WDFY3: variants seen among roughly 807,000 people sequenced by gnomAD.
WDFY3 encodes the protein WD repeat and FYVE domain-containing protein 3.
In WDFY3, 66 loss-of-function variants were observed where a neutral mutation model predicts 409.6. That is an observed-to-expected ratio of 0.16 (90% confidence interval 0.13 to 0.20). The LOEUF (loss-of-function observed/expected upper bound fraction) is 0.20, where lower values mean the gene tolerates loss of function less well. Ranked by LOEUF, WDFY3 falls within the 10% of genes least tolerant of loss-of-function variation. The probability of loss-of-function intolerance (pLI) is 1.00; values close to 1 mark genes in which losing one functional copy is unlikely to be tolerated. For missense variants in WDFY3, 3,031 were observed against 4,298.1 expected (o/e 0.71, Z 8.24); for synonymous variants, 1,521 against 1,537.1 (o/e 0.99, Z 0.25).
chr4:84,825,134 A>G (rs1339840348), intron 10 of WDFY3, among the ~76,000 whole-genome samples: 1 of 152,188 alleles, frequency 6.6e-6, no homozygotes, highest in African/African-American at 2.4e-5. Flanking sequence ...CCAGGCAATG[A>G]TATATGCACA....
intron 1 of WDFY3, among the ~76,000 whole-genome samples, chr4:84,942,337 T>TA (rs902546327): frequency 1.8e-4 from 27 of 149,084 alleles, no homozygotes; most frequent in Admixed American, 1.0e-3. Context: ...CTTTAAACAA[T>TA]AAAAAAAAAG....
intron 3 of WDFY3, among the ~76,000 whole-genome samples, chr4:84,894,860 G>C (rs1219106275): frequency 2.1e-5 from 3 of 145,108 alleles, no homozygotes; most frequent in African/African-American, 7.7e-5. Context: ...TGAAGCATAA[G>C]AATCACTTGA....
intron 64 of WDFY3, among the ~76,000 whole-genome samples, chr4:84,681,502 G>A (rs751072863): frequency 6.6e-6 from 1 of 152,108 alleles, no homozygotes; most frequent in East Asian, 1.9e-4. Context: ...CCTGCCCAAG[G>A]GATCTTTTTT....
intron 2 of WDFY3, among the ~76,000 whole-genome samples, chr4:84,906,406 G>T (rs183255719): frequency 6.6e-6 from 1 of 152,194 alleles, no homozygotes. Context: ...AAAAACTGCA[G>T]TAAAATTATG....
At chr4:84,883,411 T>C (rs1763799432) in intron 3 of WDFY3, among the ~76,000 whole-genome samples, 1 of 152,206 alleles carries the variant, frequency 6.6e-6, no homozygotes, top group South Asian at 2.1e-4. Context: ...CAAGTGTAAA[T>C]CAGTTTACCA....
rs1295160219 is a variant in WDFY3, at chr4:84,682,429, A to G, written c.9768T>C (p.Ala3256=). The G allele has an allele frequency of 2.5e-6, 4 of 1,613,792 alleles. No individual in the cohort carries two copies. Among genetic ancestry groups the G allele is most frequent in the Non-Finnish European group, 2.5e-6 (3 of 1,180,016 alleles). ...MEFLQVPETP[A]PEPAEVLEMQ... is the part of the protein sequence containing the mutation. Reference sequence around the variant, plus strand: ...TTTCTAGGACTTCAGCAGGCTCAGGAGCTGGTGTTTCAGGAACTTGCAAAA... The same window carrying G: ...TTTCTAGGACTTCAGCAGGCTCAGGGGCTGGTGTTTCAGGAACTTGCAAAA... The change falls in exon 64 of 68, where the codon GCT becomes GCC. Residue 3256 remains alanine (A), a synonymous_variant. Transcript: ENST00000295888.
At position 84,826,985 on chromosome 4, in the gene WDFY3, G is replaced by A; in HGVS notation, c.957-4C>T. The A allele has an allele frequency of 6.2e-7, 1 of 1,601,436 alleles. No homozygotes were observed. Among genetic ancestry groups the A allele is most frequent in the South Asian group, 1.1e-5 (1 of 87,992 alleles). On this transcript the variant is annotated splice_region_variant and splice_polypyrimidine_tract_variant and intron_variant, in intron 9 of 67. Transcript: ENST00000295888. ...TGCCTCTTTTGCTTGTTCCAATCTA[G>A]AAAAGTATGATTTAGAAAGTATTTT...
chr4:84,866,932 A>G (rs1021626136), intron 3 of WDFY3, among the ~76,000 whole-genome samples: 1 of 152,188 alleles, frequency 6.6e-6, no homozygotes, highest in Non-Finnish European at 1.5e-5. Flanking sequence ...AAGAGGTAAC[A>G]TGTCTAAAAT....
At chr4:84,743,346 T>C (rs1379901078) in intron 37 of WDFY3, among the ~76,000 whole-genome samples, 1 of 152,218 alleles carries the variant, frequency 6.6e-6, no homozygotes, top group Non-Finnish European at 1.5e-5. Context: ...ACCTATGACC[T>C]AACAATTCCA....
chr4:84,718,389 C>T (rs955826837), intron 48 of WDFY3, 33 bp downstream of exon 48: 2 of 1,583,368 alleles, frequency 1.3e-6, no homozygotes, highest in Admixed American at 1.8e-5. Context: ...CTAAAGATAG[C>T]CATACATTAT....
Position 84,726,931 on chromosome 4 carries a change from T to TA in WDFY3, c.7222-21dup. On this transcript the variant is annotated intron_variant, in intron 44 of 67. Coordinates refer to ENST00000295888, the MANE Select transcript of WDFY3 (RefSeq NM_014991.6). Reference sequence around the variant, plus strand: ...CTCAGACTGAAAACAGGGTATTAAGTATAGACATATCAGAAAAAAAAACAT... The same window carrying TA: ...CTCAGACTGAAAACAGGGTATTAAGTAATAGACATATCAGAAAAAAAAACAT... The TA allele has an allele frequency of 6.3e-7, 1 of 1,578,090 alleles. No homozygotes were observed. The highest frequency in any genetic ancestry group is 1.4e-5 in the African/African-American group (1 of 72,626).
chr4:84,831,754 A>C, intron 7 of WDFY3, 149 bp from the exon 8 acceptor site: 1 of 655,262 alleles, frequency 1.5e-6, no homozygotes, highest in Non-Finnish European at 2.6e-6. Context: ...AACATCACTA[A>C]TCATCAGGGA....
chr4:84,836,864 T>C (rs1756644144), intron 7 of WDFY3, 65 bp downstream of exon 7: 1 of 1,294,574 alleles, frequency 7.7e-7, no homozygotes, highest in Non-Finnish European at 1.0e-6. Context: ...GTAAAACATC[T>C]ATTTAGGAAG....
chr4:84,762,101 T>C (rs1171176789), intron 32 of WDFY3, among the ~76,000 whole-genome samples: 1 of 152,094 alleles, frequency 6.6e-6, no homozygotes, highest in Non-Finnish European at 1.5e-5. Flanking sequence ...GACCCGGCCA[T>C]CCCATTACTG....
At chr4:84,813,862 A>G (rs1303102811) in intron 13 of WDFY3, among the ~76,000 whole-genome samples, 2 of 152,224 alleles carry the variant, frequency 1.3e-5, no homozygotes, top group African/African-American at 2.4e-5. Flanking sequence ...TTCTTCAAAT[A>G]TCGACACTCA....
intron 1 of WDFY3, among the ~76,000 whole-genome samples, chr4:84,943,921 C>A (rs1283657889): frequency 6.6e-6 from 1 of 152,142 alleles, no homozygotes; most frequent in Non-Finnish European, 1.5e-5. Context: ...TGTTGAAGGC[C>A]TCCCTCTTCC....
intron 53 of WDFY3, among the ~76,000 whole-genome samples, chr4:84,707,243 A>C (rs1007916317): frequency 6.6e-6 from 1 of 152,068 alleles, no homozygotes; most frequent in Non-Finnish European, 1.5e-5. Flanking sequence ...GAATGATTTT[A>C]AACAGGGGGA....
Position 84,726,910 on chromosome 4 carries a change from G to A in WDFY3, c.7223C>T (p.Ser2408Phe). Residue 2408 changes from serine (S) to phenylalanine (F), a missense_variant and splice_region_variant, in exon 45 of 68, where the codon TCT becomes TTT. By Grantham distance (155) the Ser-to-Phe change is radical (BLOSUM62 -2). Transcript: ENST00000295888. ...CTCAGGCTGTTTACTTGGGATCTCA[G>A]ACTGAAAACAGGGTATTAAGTATAG... ...PETEQETNVA[S>F]EIPSKQPETP... 1.2e-6 allele frequency: 2 copies of A among 1,605,190 alleles called. No individual in the cohort carries two copies. The highest frequency in any genetic ancestry group is 1.7e-6 in the Non-Finnish European group (2 of 1,177,350).
At chr4:84,704,314 A>C in intron 55 of WDFY3, 24 bp downstream of exon 55, 1 of 1,540,850 alleles carries the variant, frequency 6.5e-7, no homozygotes, top group Non-Finnish European at 8.8e-7. Context: ...ATAAAATAGA[A>C]AAACCCCAAA....
Sources: gnomAD v4.1 joint callset for allele counts (sites outside exome capture counted in the v4.1 genomes callset) on GRCh38, gnomAD v4.1.1 for gene constraint, MANE v1.5 for transcripts, NCBI Gene and HGNC (gene_info 2026-07-23, HGNC 2026-07-21) for gene names.